Variants in CFLAR observed in about 807,000 individuals in gnomAD.
CFLAR encodes the protein CASP8 and FADD-like apoptosis regulator.
Under a neutral mutation model 51.1 loss-of-function variants are expected in CFLAR, and 14 were observed. The ratio of observed to expected loss-of-function variants is 0.27; its 90% confidence interval spans 0.18 to 0.43. CFLAR has a LOEUF of 0.43. Ranked by LOEUF, CFLAR falls within the 20% of genes least tolerant of loss-of-function variation. CFLAR has a pLI of 1.00. For synonymous variants in CFLAR, 210 were observed against 211.6 expected (o/e 0.99, Z 0.06); for missense variants, 390 against 566.5 (o/e 0.69, Z 3.16).
intron 9 of CFLAR, among the ~76,000 whole-genome samples, chr2:201,161,410 A>ATT (rs71954106): frequency 1.8e-4 from 19 of 104,402 alleles, no homozygotes; most frequent in African/African-American, 5.3e-4. Context: ...AAATTTATTT[A>ATT]TTTTTATTTA....
chr2:201,161,948 A>C (rs1943086240), intron 9 of CFLAR, among the ~76,000 whole-genome samples: 1 of 151,718 alleles, frequency 6.6e-6, no homozygotes, highest in Non-Finnish European at 1.5e-5. Flanking sequence ...GGTTTCCACC[A>C]TGTTGGCCAG....
rs189823908 is a variant in CFLAR, at chr2:201,171,106, T to G, written c.*7133T>G. 1 of 151,978 alleles carries G rather than the reference T, an allele frequency of 6.6e-6. No individual in the cohort carries two copies. Among genetic ancestry groups the G allele is most frequent in the East Asian group, 1.9e-4 (1 of 5,174 alleles). The allele number at this position is 151,978 out of a possible 1,614,324, so 9.4% of individuals were successfully genotyped here. On this transcript the variant is annotated 3_prime_UTR_variant, in exon 10 of 10. Coordinates refer to ENST00000309955, the MANE Select transcript of CFLAR (RefSeq NM_003879.7). The stretch of plus-strand genomic sequence containing the variant: ...ATAAGTGGGAGATAAGCTATGAGGA[T>G]GCAAAGGCATAAGAAGGATACAATG...
intron 4 of CFLAR, 99 bp downstream of exon 4, chr2:201,136,206 A>G (rs1036081463): frequency 1.2e-6 from 2 of 1,610,806 alleles, no homozygotes; most frequent in African/African-American, 1.3e-5. Context: ...AGGTGGATGG[A>G]ATGGAACCTG....
chr2:201,137,367 C>G lies in CFLAR; in HGVS notation c.523+1260C>G, dbSNP rs573770012. 407 of 360,054 alleles carry G rather than the reference C, an allele frequency of 1.1e-3. 1 individual carries two copies. Among genetic ancestry groups the G allele is most frequent in the African/African-American group, 7.8e-3 (371 of 47,414 alleles). The allele number at this position is 360,054 out of a possible 1,614,324, so 22.3% of individuals were successfully genotyped here. ...ATGCCCAGCAAGGGGGGCTGCAGAC[C>G]CCTCAGAGCCTCCCCTCCTCTCTCC... On this transcript the variant is annotated intron_variant, in intron 4 of 9. Transcript: ENST00000309955.
At position 201,174,910 on chromosome 2, in the gene CFLAR, T is replaced by A. The variant is rs1316021476; in HGVS notation, c.*10937T>A. 6.6e-6 allele frequency: 1 copy of A among 152,204 alleles called. No homozygotes were observed. Among genetic ancestry groups the A allele is most frequent in the Non-Finnish European group, 1.5e-5 (1 of 68,042 alleles). The allele number at this position is 152,204 out of a possible 1,614,324, so 9.4% of individuals were successfully genotyped here. A position where few individuals can be genotyped will look rare whatever the true frequency, so the allele number is the denominator to read the frequency against. On this transcript the variant is annotated 3_prime_UTR_variant, in exon 10 of 10. Coordinates refer to ENST00000309955, the MANE Select transcript of CFLAR (RefSeq NM_003879.7). ...GGCCAACCCAAACCAGCCAAAACCA[T>A]GATGGTGACAGAAGAGACCTCTGGT...
chr2:201,164,130 G>A lies in CFLAR; in HGVS notation c.*157G>A. 1 of 540,538 alleles carries A rather than the reference G, an allele frequency of 1.9e-6. No individual in the cohort carries two copies. The highest frequency in any genetic ancestry group is 2.5e-5 in the South Asian group (1 of 40,762). The allele number at this position is 540,538 out of a possible 1,614,324, so 33.5% of individuals were successfully genotyped here. A position where few individuals can be genotyped will look rare whatever the true frequency, so the allele number is the denominator to read the frequency against. The stretch of plus-strand genomic sequence containing the variant: ...AAATACAAAAATTAGCTGGGTGTGG[G>A]TGTGGGTACCTGTATTCCCAGTTAC... On this transcript the variant is annotated 3_prime_UTR_variant, in exon 10 of 10. Transcript: ENST00000309955.
rs754420577 is a variant in CFLAR at position 201,130,114 on chromosome 2, G to C, written c.249G>C (p.Leu83=). ...ACAGAAAAGCTGTGGAGACCCACCT[G>C]CTCAGGAACCCTCACCTTGTTTCGG... The part of the protein sequence containing the change: ...KMDRKAVETH[L]LRNPHLVSDY... The change falls in exon 2 of 10, where the codon CTG becomes CTC. Residue 83 remains leucine (L), a synonymous_variant. Transcript: ENST00000309955. 3.0e-5 allele frequency: 42 copies of C among 1,411,790 alleles called. No individual in the cohort carries two copies. In the South Asian group the frequency reaches 4.4e-4, roughly 15 times the overall value. The allele number at this position is 1,411,790 out of a possible 1,614,324, so 87.5% of individuals were successfully genotyped here.
Position 201,134,508 on chromosome 2 carries a change from G to A in CFLAR, c.387+1374G>A, listed in dbSNP as rs1375902010. ...AAATTAGCTGGGCGTAGTGGTGGGC[G>A]CCTGTAATCCCAGCTACTTGGGAGG... On this transcript the variant is annotated intron_variant, in intron 3 of 9. Transcript: ENST00000309955. Among the ~76,000 whole-genome samples, 8 of 151,526 alleles carry A rather than the reference G, an allele frequency of 5.3e-5. No homozygotes were observed. In the South Asian group the frequency reaches 1.0e-3, roughly 20 times the overall value.
intron 1 of CFLAR, among the ~76,000 whole-genome samples, chr2:201,125,931 T>C (rs2048650705): frequency 6.6e-6 from 1 of 151,710 alleles, no homozygotes. Flanking sequence ...GACTGAGGGG[T>C]TTCCTGGGAC....
At chr2:201,163,451 T>C (rs770245712) in intron 9 of CFLAR, 123 of 1,110,190 alleles carry the variant, frequency 1.1e-4, no homozygotes, top group Non-Finnish European at 1.3e-4. Flanking sequence ...CATGGCCTTC[T>C]TTACCTGGCC....
chr2:201,141,348 C>G, intron 5 of CFLAR: 1 of 1,549,228 alleles, frequency 6.5e-7, no homozygotes, highest in Non-Finnish European at 8.7e-7. Flanking sequence ...ACATATATTT[C>G]ATTTTTGCTT....
intron 1 of CFLAR, among the ~76,000 whole-genome samples, chr2:201,126,757 T>G (rs2048754299): frequency 6.6e-6 from 1 of 152,188 alleles, no homozygotes; most frequent in Non-Finnish European, 1.5e-5. Flanking sequence ...TCAGCAGTTT[T>G]GTTAGTTCCA....
intron 5 of CFLAR, 30 bp from the exon 6 acceptor site, chr2:201,145,348 G>A: frequency 7.3e-7 from 1 of 1,376,294 alleles, no homozygotes; most frequent in Non-Finnish European, 1.0e-6. Context: ...TAACTAACAG[G>A]AAGTATGACC....
Position 201,138,311 on chromosome 2 carries a change from C to T in CFLAR, c.524-2046C>T. The T allele has an allele frequency of 1.3e-6, 1 of 772,494 alleles. No homozygotes were observed. The highest frequency in any genetic ancestry group is 1.4e-5 in the South Asian group (1 of 73,932). The allele number at this position is 772,494 out of a possible 1,614,324, so 47.9% of individuals were successfully genotyped here. Reference sequence around the variant, plus strand: ...GTGGTATTTGTCATCCTCATGGGTACCCACAGCTGCCCCGCCCAGCAGCTG... The same window carrying T: ...GTGGTATTTGTCATCCTCATGGGTATCCACAGCTGCCCCGCCCAGCAGCTG... On this transcript the variant is annotated intron_variant, in intron 4 of 9. Transcript: ENST00000309955. This position sits in a 1 kb window ranked among gnomAD's most constrained non-coding sequence, Gnocchi z 4.0.
intron 9 of CFLAR, chr2:201,163,028 C>A: frequency 1.3e-6 from 1 of 757,130 alleles, no homozygotes; most frequent in South Asian, 1.4e-5. Context: ...ATTACAGAGT[C>A]AAAGGACATG....
In CFLAR at chr2:201,165,241, CTTATTATTATTATTATTATTATTA is replaced by C. The variant is rs66478558; in HGVS notation, c.*1292_*1315del. ...ATTGTTTGAAATATCATTAGAGTTG[CTTATTATTATTATTATTATTATTA>C]TTATTATTATTATTATTATTATTGA... On this transcript the variant is annotated 3_prime_UTR_variant, in exon 10 of 10. Transcript: ENST00000309955. 9 of 140,876 alleles carry C rather than the reference CTTATTATTATTATTATTATTATTA, an allele frequency of 6.4e-5. No homozygotes were observed. The highest frequency in any genetic ancestry group is 9.1e-5 in the Non-Finnish European group (6 of 65,636). 8.7% of individuals were successfully genotyped at this position (140,876 alleles called of 1,614,324 possible).
intron 8 of CFLAR, among the ~76,000 whole-genome samples, chr2:201,151,960 C>A (rs998141618): frequency 6.0e-5 from 9 of 151,112 alleles, no homozygotes; most frequent in Non-Finnish European, 1.3e-4. Context: ...TGGGCAATGT[C>A]CCTGGCCTCT....
In CFLAR at chr2:201,170,366, A is replaced by C. The variant is rs2125986553; in HGVS notation, c.*6393A>C. ...GTGAAAAAGTAATGTTTGTATTGAA[A>C]TCTTGAGTCTGGCCATGTTTCTATT... On this transcript the variant is annotated 3_prime_UTR_variant, in exon 10 of 10. Coordinates refer to ENST00000309955, the MANE Select transcript of CFLAR (RefSeq NM_003879.7). 1 of 152,196 alleles carries C rather than the reference A, an allele frequency of 6.6e-6. No homozygotes were observed. Among genetic ancestry groups the C allele is most frequent in the Admixed American group, 6.6e-5 (1 of 15,266 alleles). The allele number at this position is 152,196 out of a possible 1,614,324, so 9.4% of individuals were successfully genotyped here. A position where few individuals can be genotyped will look rare whatever the true frequency, so the allele number is the denominator to read the frequency against.
chr2:201,120,152 C>T (rs1261990291), intron 1 of CFLAR, among the ~76,000 whole-genome samples: 2 of 148,928 alleles, frequency 1.3e-5, no homozygotes, highest in African/African-American at 5.0e-5. Flanking sequence ...TCTGGAGTAG[C>T]TGGAACTACA....
Sources: gnomAD v4.1 joint callset for allele counts (sites outside exome capture counted in the v4.1 genomes callset) on GRCh38, gnomAD v4.1.1 for gene constraint, Gnocchi (gnomAD v3.1) non-coding constraint, MANE v1.5 for transcripts, NCBI Gene and HGNC (gene_info 2026-07-23, HGNC 2026-07-21) for gene names.